Variants in SPANXN4 observed in about 807,000 individuals in gnomAD.
The protein encoded by SPANXN4 is SPANX family member N4.
A neutral mutation model predicts 6.0 loss-of-function variants in SPANXN4; 5 were observed. That is an observed-to-expected ratio of 0.83 (90% confidence interval 0.44 to 1.75). SPANXN4 has a LOEUF of 1.75. Ranked by LOEUF, SPANXN4 falls within the 40% of genes most tolerant of loss-of-function variation. The pLI, the probability that SPANXN4 is intolerant of heterozygous loss-of-function variation, is 0.02. For synonymous variants in SPANXN4, 45 were observed against 38.0 expected (o/e 1.19, Z -0.68); for missense variants, 157 against 108.6 (o/e 1.45, Z -1.98).
At chrX:143,026,293 C>T (rs1467582298) in intron 1 of SPANXN4, among the ~76,000 whole-genome samples, 3 of 111,400 alleles carry the variant, frequency 2.7e-5, no homozygotes, top group South Asian at 3.8e-4. Context: ...GCTGGCTGCT[C>T]GGCGGAATAT....
rs779534101 is a variant in SPANXN4, at chrX:143,034,224, C to T, written c.275C>T (p.Pro92Leu). 9.0e-5 allele frequency: 105 copies of T among 1,171,336 alleles called. No homozygotes were observed. The highest frequency in any genetic ancestry group is 1.8e-4 in the Admixed American group (7 of 39,308). Reference sequence around the variant, plus strand: ...GACCTAGACATATCTGCAGGATCTCCACAGGATGGTGGGCAGAATTAGTCC... The same window carrying T: ...GACCTAGACATATCTGCAGGATCTCTACAGGATGGTGGGCAGAATTAGTCC... The change falls in exon 2 of 3, where the codon CCA becomes CTA. Residue 92 changes from proline (P) to leucine (L), a missense_variant. By Grantham distance (98) the Pro-to-Leu change is moderately conservative. Coordinates refer to ENST00000370504, the Ensembl canonical transcript of SPANXN4.
chrX:143,036,527 T>C (rs1402575573), downstream of SPANXN4, among the ~76,000 whole-genome samples: 1 of 112,077 alleles, frequency 8.9e-6, no homozygotes, highest in Non-Finnish European at 1.9e-5. Flanking sequence ...TTGTTGAAAA[T>C]ACGATTCATT....
exon 2 of SPANXN4, chrX:143,034,187 A>G (rs1477869661): frequency 6.9e-5 from 81 of 1,179,336 alleles, no homozygotes; most frequent in Non-Finnish European, 8.8e-5. Context: ...TGATCCAATC[A>G]AAGAGAAAGG....
exon 3 of SPANXN4, chrX:143,034,666 T>G (rs1932834520): frequency 6.1e-6 from 7 of 1,154,096 alleles, no homozygotes; most frequent in Non-Finnish European, 2.3e-6. Context: ...GTGGTGTGTT[T>G]TGTAACTCAC....
chrX:143,034,847 C>A (rs1932835553), downstream of SPANXN4: 1 of 792,090 alleles, frequency 1.3e-6, no homozygotes, highest in Non-Finnish European at 1.6e-6. Flanking sequence ...AAGTGTGGGG[C>A]ACTGGGAGTG....
At chrX:143,038,154 T>C (rs1391797664), downstream of SPANXN4, among the ~76,000 whole-genome samples, 1 of 112,010 alleles carries the variant, frequency 8.9e-6, no homozygotes, top group Non-Finnish European at 1.9e-5. Flanking sequence ...TACACTCTGA[T>C]CTCTTTTTTC....
At chrX:143,032,011 A>T (rs1932812864) in intron 1 of SPANXN4, among the ~76,000 whole-genome samples, 1 of 112,060 alleles carries the variant, frequency 8.9e-6, no homozygotes, top group South Asian at 3.7e-4. Flanking sequence ...TCCTGGGGAC[A>T]GCTAGGGTCC....
downstream of SPANXN4, among the ~76,000 whole-genome samples, chrX:143,037,861 C>T (rs1467558162): frequency 1.2e-4 from 13 of 110,954 alleles, no homozygotes; most frequent in African/African-American, 3.9e-4. Flanking sequence ...TGCCTTGCTT[C>T]CCCTTCTCCT....
At chrX:143,026,665 G>A (rs900708026) in intron 1 of SPANXN4, among the ~76,000 whole-genome samples, 13 of 111,439 alleles carry the variant, frequency 1.2e-4, no homozygotes, top group Non-Finnish European at 2.4e-4. Flanking sequence ...AGTGGGTGTT[G>A]GACTTCAGAG....
chrX:143,035,338 T>C (rs1932838374), downstream of SPANXN4, among the ~76,000 whole-genome samples: 1 of 110,877 alleles, frequency 9.0e-6, no homozygotes, highest in Non-Finnish European at 1.9e-5. Context: ...TACATGTTTT[T>C]TTTATTGTTT....
intron 1 of SPANXN4, among the ~76,000 whole-genome samples, chrX:143,028,988 T>C (rs1932793555): frequency 8.9e-6 from 1 of 112,066 alleles, no homozygotes; most frequent in Non-Finnish European, 1.9e-5. Flanking sequence ...GACAAGACAC[T>C]TTCATCATTG....
intron 1 of SPANXN4, among the ~76,000 whole-genome samples, chrX:143,027,049 T>C (rs967708438): frequency 3.6e-5 from 4 of 112,116 alleles, no homozygotes; most frequent in Non-Finnish European, 7.5e-5. Context: ...TCCTGACCAA[T>C]TGGCCAGTAG....
intron 1 of SPANXN4, among the ~76,000 whole-genome samples, chrX:143,029,134 AC>A (rs2124364052): frequency 9.0e-6 from 1 of 111,301 alleles, no homozygotes; most frequent in South Asian, 3.8e-4. Flanking sequence ...AGGCTGCTGA[AC>A]GTGTTTAGAA....
intron 1 of SPANXN4, among the ~76,000 whole-genome samples, chrX:143,029,173 CT>C (rs753342400): frequency 9.0e-6 from 1 of 111,302 alleles, no homozygotes; most frequent in Non-Finnish European, 1.9e-5. Flanking sequence ...CATCTGTAGC[CT>C]TTTGGTGTCC....
chrX:143,027,035 A>G (rs1932782823), intron 1 of SPANXN4, among the ~76,000 whole-genome samples: 1 of 112,182 alleles, frequency 8.9e-6, no homozygotes, highest in East Asian at 2.9e-4. Flanking sequence ...ACAAGGGTGC[A>G]TGTTCCTGAC....
downstream of SPANXN4, chrX:143,034,712 A>G: frequency 3.6e-5 from 41 of 1,124,354 alleles, no homozygotes; most frequent in Non-Finnish European, 4.7e-5. Flanking sequence ...CTCAAAAGGA[A>G]CAAGAACCTC....
downstream of SPANXN4, among the ~76,000 whole-genome samples, chrX:143,037,760 G>C (rs1412364861): frequency 9.0e-6 from 1 of 111,324 alleles, no homozygotes; most frequent in Non-Finnish European, 1.9e-5. Flanking sequence ...TCTCATGATA[G>C]TGAGTGAGTT....
downstream of SPANXN4, among the ~76,000 whole-genome samples, chrX:143,037,582 AT>A (rs1375654912): frequency 3.6e-4 from 40 of 111,445 alleles, no homozygotes; most frequent in African/African-American, 1.3e-3. Flanking sequence ...CTGTTTATCA[AT>A]TCCTAACCAT....
chrX:143,037,710 G>C (rs1200064732), downstream of SPANXN4, among the ~76,000 whole-genome samples: 4 of 111,518 alleles, frequency 3.6e-5, no homozygotes, highest in Non-Finnish European at 7.5e-5. Flanking sequence ...GAGACCACGT[G>C]GTGGTAATTG....
Sources: gnomAD v4.1 joint callset for allele counts (sites outside exome capture counted in the v4.1 genomes callset) on GRCh38, gnomAD v4.1.1 for gene constraint, MANE v1.5 for transcripts, NCBI Gene and HGNC (gene_info 2026-07-23, HGNC 2026-07-21) for gene names.